Variants in TNXB observed in about 807,000 individuals in gnomAD.
TNXB encodes the protein tenascin XB.
TNXB carries 183 observed loss-of-function variants against 340.5 expected under a neutral mutation model. The ratio of observed to expected loss-of-function variants is 0.54; its 90% CI spans 0.48 to 0.61. TNXB has a LOEUF of 0.61. TNXB is among the 20% of genes least tolerant of loss of function. TNXB has a pLI of 0.00. For synonymous variants in TNXB, 2,121 were observed against 2,314.5 expected (o/e 0.92, Z 2.40); for missense variants, 4,613 against 5,446.4 (o/e 0.85, Z 4.82).
chr6:32,068,517 C>T lies in TNXB; in HGVS notation c.6093G>A (p.Val2031=). ...CCCCTTCCTCGTGCCCTGGCACCCT[C>T]ACTGCCTTGGGCTGCCCATCTCCAT... ...YRNGDGQPKA[V]RVPGHEEGVT... The change falls in exon 17 of 44, where the codon GTG becomes GTA. Residue 2031 remains valine (V), a synonymous_variant. Coordinates refer to ENST00000644971, the MANE Select transcript of TNXB (RefSeq NM_001365276.2). The surrounding 1 kb of genome is among the most constrained non-coding windows in gnomAD (Gnocchi z 5.3). The T allele has an allele frequency of 6.2e-7, 1 of 1,613,970 alleles. No individual in the cohort carries two copies. Among genetic ancestry groups the T allele is most frequent in the Non-Finnish European group, 8.5e-7 (1 of 1,179,904 alleles).
chr6:32,102,430 A>G (rs147959867), intron 1 of TNXB, among the ~76,000 whole-genome samples: 6 of 152,348 alleles, frequency 3.9e-5, no homozygotes, highest in Non-Finnish European at 8.8e-5. Flanking sequence ...GAGTCATACA[A>G]TGGAATACTA....
At position 32,089,113 on chromosome 6, in the gene TNXB, A is replaced by T. The variant is rs554247203; in HGVS notation, c.2516-65T>A. The T allele has an allele frequency of 1.0e-5, 16 of 1,585,032 alleles. No individual in the cohort carries two copies. The highest frequency in any genetic ancestry group is 1.4e-5 in the Non-Finnish European group (16 of 1,164,092). Reference sequence around the variant, plus strand: ...TTCTTCAATCATCATCTTTCCTTCCAAGAGCCTAGCCCCCATCCAGCCCCT... The same window carrying T: ...TTCTTCAATCATCATCTTTCCTTCCTAGAGCCTAGCCCCCATCCAGCCCCT... On this transcript the variant is annotated intron_variant, in intron 5 of 43. Transcript: ENST00000644971. The surrounding 1 kb of genome is among the most constrained non-coding windows in gnomAD (Gnocchi z 6.2).
Position 32,049,159 on chromosome 6 carries a change from G to A in TNXB, c.9757+111C>T. The A allele has an allele frequency of 7.2e-7, 1 of 1,397,048 alleles. No homozygotes were observed. Among genetic ancestry groups the A allele is most frequent in the Non-Finnish European group, 9.5e-7 (1 of 1,057,994 alleles). 86.5% of individuals were successfully genotyped at this position (1,397,048 alleles called of 1,614,324 possible). A position where few individuals can be genotyped will look rare whatever the true frequency, so the allele number is the denominator to read the frequency against. ...AGGCAGGATCATTAGCAACATGGGA[G>A]AAAAGACAGAAACCTAGAGGCCCAG... On this transcript the variant is annotated intron_variant, in intron 28 of 43. Coordinates refer to ENST00000644971, the MANE Select transcript of TNXB (RefSeq NM_001365276.2). The surrounding 1 kb of genome is among the most constrained non-coding windows in gnomAD (Gnocchi z 4.5).
In TNXB at chr6:32,046,611, C is replaced by A. The variant is rs1228448251; in HGVS notation, c.10325-155G>T. ...GACACACAGGCCTGCTCCCGCCATG[C>A]CCCACAGGAATGAGGGAGAACAGCC... On this transcript the variant is annotated intron_variant, in intron 30 of 43. Transcript: ENST00000644971. This position sits in a 1 kb window ranked among gnomAD's most constrained non-coding sequence, Gnocchi z 6.9. 3.3e-6 allele frequency: 2 copies of A among 610,232 alleles called. No individual in the cohort carries two copies. The highest frequency in any genetic ancestry group is 2.7e-6 in the Non-Finnish European group (1 of 376,108). The allele number at this position is 610,232 out of a possible 1,614,324, so 37.8% of individuals were successfully genotyped here.
rs1208189503 is a variant in TNXB at position 32,108,368 on chromosome 6, G to A, written c.-9+813C>T. Among the ~76,000 whole-genome samples the A allele has an allele frequency of 6.6e-6, 1 of 152,128 alleles. No individual in the cohort carries two copies. The highest frequency in any genetic ancestry group is 1.5e-5 in the Non-Finnish European group (1 of 68,004). On this transcript the variant is annotated intron_variant, in intron 1 of 43. Coordinates refer to ENST00000644971, the MANE Select transcript of TNXB (RefSeq NM_001365276.2). This position sits in a 1 kb window ranked among gnomAD's most constrained non-coding sequence, Gnocchi z 4.8. Reference sequence around the variant, plus strand: ...TGTACTGGTGGTGGGGGGCGGGGGCGGCGAGGTGAGGGAGAGTGCGGGTTC... The same window carrying A: ...TGTACTGGTGGTGGGGGGCGGGGGCAGCGAGGTGAGGGAGAGTGCGGGTTC...
chr6:32,102,075 A>C, intron 1 of TNXB, among the ~76,000 whole-genome samples: 1 of 152,182 alleles, frequency 6.6e-6, no homozygotes, highest in East Asian at 1.9e-4. Context: ...GGGTAAATGT[A>C]CGTTAAAACC....
rs1776622891 is a variant in TNXB, at chr6:32,043,802, A to G, written c.11477T>C (p.Val3826Ala). Residue 3826 changes from valine to alanine, a missense_variant, in exon 35 of 44, where the codon GTC becomes GCC. Transcript: ENST00000644971. ...ACTCTCCTCAAAGCCTCGGACCGAG[A>G]CCACGGTCACCTCATAGCGAGCGCC... Reference protein sequence around the residue: ...IPGARYEVTVVSVRGFEESEP... With the variant: ...IPGARYEVTVASVRGFEESEP... 6.2e-7 allele frequency: 1 copy of G among 1,613,480 alleles called. No homozygotes were observed. Among genetic ancestry groups the G allele is most frequent in the Non-Finnish European group, 8.5e-7 (1 of 1,179,998 alleles).
chr6:32,107,424 C>T (rs1781037995), intron 1 of TNXB, among the ~76,000 whole-genome samples: 1 of 152,102 alleles, frequency 6.6e-6, no homozygotes, highest in African/African-American at 2.4e-5. Flanking sequence ...TGCCACCACC[C>T]AGCCCTCCAG....
Position 32,069,761 on chromosome 6 carries a change from G to A in TNXB, c.5379C>T (p.Gly1793=). Residue 1793 remains glycine, a synonymous_variant, in exon 15 of 44, where the codon GGC becomes GGT. Transcript: ENST00000644971. This position sits in a 1 kb window ranked among gnomAD's most constrained non-coding sequence, Gnocchi z 6.2. ...QVTTVTQNSV[G]LSWTVPEGQF... ...GGCCCTCAGGGACTGTCCAGGAGAG[G>A]CCCACGGAGTTCTGGGTCACGGTGG... 1.2e-6 allele frequency: 2 copies of A among 1,612,366 alleles called. No homozygotes were observed. Among genetic ancestry groups the A allele is most frequent in the Non-Finnish European group, 1.7e-6 (2 of 1,179,292 alleles).
rs1273563144 is a variant in TNXB at position 32,074,112 on chromosome 6, G to A, written c.4376-160C>T. 6.6e-6 allele frequency among the ~76,000 whole-genome samples: 1 copy of A among 152,200 alleles called. No homozygotes were observed. Among genetic ancestry groups the A allele is most frequent in the East Asian group, 1.9e-4 (1 of 5,194 alleles). ...GCTCACTGCAGCCTCTGCCTCCCGG[G>A]TTCAAGCGATCCTCCTGCCTTAGCC... On this transcript the variant is annotated intron_variant, in intron 11 of 43. Transcript: ENST00000644971. The surrounding 1 kb of genome is among the most constrained non-coding windows in gnomAD (Gnocchi z 5.5).
rs1779362602 is a variant in TNXB at position 32,080,285 on chromosome 6, A to G, written c.4043-920T>C. Among the ~76,000 whole-genome samples the G allele has an allele frequency of 6.6e-6, 1 of 151,278 alleles. No homozygotes were observed. Among genetic ancestry groups the G allele is most frequent in the African/African-American group, 2.4e-5 (1 of 41,100 alleles). ...GAATGCAGTGGCGCGATCTCGGCTC[A>G]CTGCAAGCTCCGCCTCCCGGGTTCA... On this transcript the variant is annotated intron_variant, in intron 10 of 43. Transcript: ENST00000644971. The surrounding 1 kb of genome is among the most constrained non-coding windows in gnomAD (Gnocchi z 4.3).
intron 3 of TNXB, 76 bp from the exon 4 acceptor site, chr6:32,095,267 G>T: frequency 8.7e-7 from 1 of 1,152,496 alleles, no homozygotes; most frequent in Non-Finnish European, 1.3e-6. Context: ...TTTTACTCAG[G>T]GACATCGAAG....
chr6:32,078,846 A>G (rs1345283530), intron 11 of TNXB, among the ~76,000 whole-genome samples, 187 bp downstream of exon 11: 1 of 152,254 alleles, frequency 6.6e-6, no homozygotes, highest in Non-Finnish European at 1.5e-5. Context: ...AGAGGTGCAG[A>G]AAGTTTAAAA....
In TNXB at chr6:32,058,498, T is replaced by A; in HGVS notation, c.7493-108A>T. On this transcript the variant is annotated intron_variant, in intron 21 of 43. Coordinates refer to ENST00000644971, the MANE Select transcript of TNXB (RefSeq NM_001365276.2). The surrounding 1 kb of genome is among the most constrained non-coding windows in gnomAD (Gnocchi z 5.1). ...TCAAATGTGCCCCTCCAGAGCAGGC[T>A]GAGGGCTGGGGCAGCTTTGTGTTCG... 1 of 971,002 alleles carries A rather than the reference T, an allele frequency of 1.0e-6. No homozygotes were observed. The highest frequency in any genetic ancestry group is 1.9e-5 in the South Asian group (1 of 53,412). 60.1% of individuals were successfully genotyped at this position (971,002 alleles called of 1,614,324 possible). A position where few individuals can be genotyped will look rare whatever the true frequency, so the allele number is the denominator to read the frequency against.
At position 32,095,181 on chromosome 6, in the gene TNXB, G is replaced by T. The variant is rs1433165445; in HGVS notation, c.2253C>A (p.Thr751=). 6.5e-7 allele frequency: 1 copy of T among 1,549,514 alleles called. No individual in the cohort carries two copies. The highest frequency in any genetic ancestry group is 8.7e-7 in the Non-Finnish European group (1 of 1,146,030). Residue 751 remains threonine, a synonymous_variant, in exon 4 of 44, where the codon ACC becomes ACA. Coordinates refer to ENST00000644971, the MANE Select transcript of TNXB (RefSeq NM_001365276.2). ...AGEDCGEEVP[T]IEGMRMHLLE... is the part of the protein sequence containing the mutation. ...AGAGATGCATCCTCATGCCCTCAAT[G>T]GTTGGCACCTCTGCCCAAGAGAATG... is the stretch of plus-strand genomic sequence containing the variant.
chr6:32,048,378 C>G lies in TNXB; in HGVS notation c.10030G>C (p.Val3344Leu). 1 of 1,504,262 alleles carries G rather than the reference C, an allele frequency of 6.6e-7. No individual in the cohort carries two copies. Among genetic ancestry groups the G allele is most frequent in the Non-Finnish European group, 8.9e-7 (1 of 1,123,510 alleles). The allele number at this position is 1,504,262 out of a possible 1,614,324, so 93.2% of individuals were successfully genotyped here. A position where few individuals can be genotyped will look rare whatever the true frequency, so the allele number is the denominator to read the frequency against. Residue 3344 changes from valine to leucine, a missense_variant, in exon 29 of 44, where the codon GTG becomes CTG. Around this residue, in one of 7 missense-constraint regions of TNXB, gnomAD observed 4,327 missense variants for 4,859.4 expected, o/e 0.89. Coordinates refer to ENST00000644971, the MANE Select transcript of TNXB (RefSeq NM_001365276.2). Reference protein sequence around the residue: ...QNGKRHGPVPVEARTAPDTKP... With the variant: ...QNGKRHGPVPLEARTAPDTKP... ...CCTCACTCACCGGTCCTGGCCTCCA[C>G]AGGGACTGGGCCGTGGCGTTTCCCA...
chr6:32,056,264 T>C, intron 23 of TNXB, 90 bp from the exon 24 acceptor site: 2 of 1,447,752 alleles, frequency 1.4e-6, no homozygotes, highest in Non-Finnish European at 1.9e-6. Context: ...TGGCCACTAC[T>C]GGGTATGTGA....
chr6:32,104,159 C>T (rs562718947), intron 1 of TNXB, among the ~76,000 whole-genome samples: 34 of 152,282 alleles, frequency 2.2e-4, no homozygotes, highest in Non-Finnish European at 3.5e-4. Context: ...TTTTTAAAAG[C>T]TCCCCAGATG....
chr6:32,084,575 G>A lies in TNXB; in HGVS notation c.3283C>T (p.Gln1095Ter). 6.2e-7 allele frequency: 1 copy of A among 1,608,596 alleles called. No individual in the cohort carries two copies. The highest frequency in any genetic ancestry group is 8.5e-7 in the Non-Finnish European group (1 of 1,178,588). ...PEGEFDSFVI[Q>*]YKDRDGQPQV... ...GGCTGCCCGTCCCTGTCTTTGTACT[G>A]GATCACGAAGGAGTCAAACTCGCCC... Residue 1095 changes from glutamine (Q) to a stop codon, truncating the protein, a stop_gained, in exon 8 of 44, where the codon CAG becomes TAG. Coordinates refer to ENST00000644971, the MANE Select transcript of TNXB (RefSeq NM_001365276.2). LOFTEE classifies it high-confidence loss of function. This position sits in a 1 kb window ranked among gnomAD's most constrained non-coding sequence, Gnocchi z 5.5.
Sources: allele counts gnomAD v4.1 joint callset (sites outside exome capture counted in the v4.1 genomes callset), GRCh38; gene constraint gnomAD v4.1.1; regional missense constraint gnomAD v4.1.1; non-coding constraint Gnocchi (gnomAD v3.1); transcripts MANE v1.5; gene names NCBI Gene and HGNC (gene_info 2026-07-23, HGNC 2026-07-21).